Variants in NCOA3 observed in about 807,000 individuals in gnomAD.
NCOA3 encodes nuclear receptor coactivator 3, also known as CBP-interacting protein.
A neutral mutation model predicts 158.8 loss-of-function variants in NCOA3; 51 were observed. The observed-to-expected ratio is 0.32, with a 90% CI of 0.26 to 0.41. The LOEUF (loss-of-function observed/expected upper bound fraction) is 0.41. NCOA3 is among the 10% of genes least tolerant of loss of function. NCOA3 has a pLI of 1.00. For synonymous variants in NCOA3, 537 were observed against 592.4 expected (o/e 0.91, Z 1.36); for missense variants, 1,510 against 1,746.6 (o/e 0.86, Z 2.41).
Position 47,633,599 on chromosome 20 carries a change from T to A in NCOA3, c.927T>A (p.Asp309Glu). The change falls in exon 9 of 23, where the codon GAT (aspartate) becomes GAA (glutamate). Residue 309 changes from aspartate (D) to glutamate (E), a missense_variant. Asp to Glu is a conservative substitution (Grantham distance 45, BLOSUM62 2). Transcript: ENST00000371998. ...RCIQRFFSLN[D>E]GQSWSQKRHY... ...TTCAGAGATTTTTTAGTCTAAATGA[T>A]GGGCAGTCATGGTCCCAGAAACGTC... 1 of 1,614,086 alleles carries A rather than the reference T, an allele frequency of 6.2e-7. No individual in the cohort carries two copies. Among genetic ancestry groups the A allele is most frequent in the Non-Finnish European group, 8.5e-7 (1 of 1,179,990 alleles).
rs768509644 is a variant in NCOA3 at position 47,627,180 on chromosome 20, G to A, written c.532+4G>A. Reference sequence around the variant, plus strand: ...AAGAATTTACCAAAATCTACAGGTAGGCTTTTAATGTGTATTTTCTAAATA... The same window carrying A: ...AAGAATTTACCAAAATCTACAGGTAAGCTTTTAATGTGTATTTTCTAAATA... On this transcript the variant is annotated splice_donor_region_variant and intron_variant, in intron 6 of 22. Coordinates refer to ENST00000371998, the MANE Select transcript of NCOA3 (RefSeq NM_181659.3). The A allele has an allele frequency of 6.3e-7, 1 of 1,575,422 alleles. No homozygotes were observed.
At chr20:47,503,392 A>G (rs1029229635) in intron 1 of NCOA3, among the ~76,000 whole-genome samples, 1 of 152,228 alleles carries the variant, frequency 6.6e-6, no homozygotes, top group African/African-American at 2.4e-5. Flanking sequence ...GGTTCTACCG[A>G]ATGATATCCA....
rs548591754 is a variant in NCOA3, at chr20:47,556,092, G to A, written c.-98-27091G>A. 4.6e-5 allele frequency among the ~76,000 whole-genome samples: 7 copies of A among 151,970 alleles called. No homozygotes were observed. The South Asian group carries it at 1.5e-3, about 32-fold the overall frequency. ...TGGGACTACAGGCATGTGCCACCAT[G>A]CCTGGCTAATTTTCGTATTTTTATT... On this transcript the variant is annotated intron_variant, in intron 1 of 22. Transcript: ENST00000371998.
rs371752031 is a variant in NCOA3 at position 47,650,730 on chromosome 20, G to GT, written c.3652-251dup. Among the ~76,000 whole-genome samples, 408 of 152,068 alleles carry GT rather than the reference G, an allele frequency of 2.7e-3. 1 individual carries two copies. The highest frequency in any genetic ancestry group is 9.4e-3 in the African/African-American group (391 of 41,506). ...AATACAAAAATTAGCCAGAGTGGTGGTGCACGCCTGTAATCCCAGCTACTT... is the reference window on the plus strand; with the variant it reads ...AATACAAAAATTAGCCAGAGTGGTGGTTGCACGCCTGTAATCCCAGCTACTT... On this transcript the variant is annotated intron_variant, in intron 19 of 22. Transcript: ENST00000371998.
rs2076547 is a variant in NCOA3 at position 47,639,650 on chromosome 20, C to G, written c.2781C>G (p.Ala927=). The change falls in exon 15 of 23, where the codon GCC becomes GCG. Residue 927 remains alanine (A), a synonymous_variant. Transcript: ENST00000371998. ...ACTGGGGCTTACCAAACTCAAAGGC[C>G]GGCAGAATGGAACCTATGAATTCAA... is the stretch of plus-strand genomic sequence containing the variant. ...SGDWGLPNSK[A]GRMEPMNSNS... 1 of 1,613,694 alleles carries G rather than the reference C, an allele frequency of 6.2e-7. No homozygotes were observed. Among genetic ancestry groups the G allele is most frequent in the Non-Finnish European group, 8.5e-7 (1 of 1,179,874 alleles).
chr20:47,514,386 G>A (rs982061942), intron 1 of NCOA3, among the ~76,000 whole-genome samples: 2 of 151,828 alleles, frequency 1.3e-5, no homozygotes, highest in Non-Finnish European at 2.9e-5. Flanking sequence ...AAATAAACTT[G>A]TAACAAATCT....
Position 47,656,073 on chromosome 20 carries a change from A to T in NCOA3, c.*2656A>T, listed in dbSNP as rs1457963769. On this transcript the variant is annotated 3_prime_UTR_variant, in exon 23 of 23. Transcript: ENST00000371998. ...TCAAACCTTGGTATCTGTTGGGTGA[A>T]CAGTATAATCTTTTCATCTGCTTTT... The T allele has an allele frequency of 6.6e-6, 1 of 150,382 alleles. No individual in the cohort carries two copies. The highest frequency in any genetic ancestry group is 1.5e-5 in the Non-Finnish European group (1 of 67,754). 9.3% of individuals were successfully genotyped at this position (150,382 alleles called of 1,614,324 possible).
chr20:47,525,656 G>T (rs1359550091), intron 1 of NCOA3, among the ~76,000 whole-genome samples: 1 of 60,220 alleles, frequency 1.7e-5, no homozygotes, highest in Non-Finnish European at 3.4e-5. Flanking sequence ...CTGGCCGGAC[G>T]GGGGGGCTGA....
intron 8 of NCOA3, among the ~76,000 whole-genome samples, chr20:47,631,750 A>G (rs185999752): frequency 1.0e-3 from 157 of 152,330 alleles, no homozygotes; most frequent in Admixed American, 2.8e-3. Flanking sequence ...TCTTCGGACA[A>G]ACAACTTTCC....
chr20:47,588,875 A>C (rs191920471), intron 2 of NCOA3, among the ~76,000 whole-genome samples: 1 of 152,164 alleles, frequency 6.6e-6, no homozygotes, highest in African/African-American at 2.4e-5. Flanking sequence ...TAAAATTTAC[A>C]GAATATAAAA....
chr20:47,539,648 C>T (rs910202572), intron 1 of NCOA3, among the ~76,000 whole-genome samples: 2 of 152,138 alleles, frequency 1.3e-5, no homozygotes, highest in Non-Finnish European at 2.9e-5. Flanking sequence ...ATGAAGCCAG[C>T]GTTGTTGAGG....
chr20:47,555,366 C>G (rs6018542), intron 1 of NCOA3, among the ~76,000 whole-genome samples: 20,593 of 152,190 alleles, frequency 0.14, 2,004 homozygotes, highest in African/African-American at 0.26. Context: ...GGGCCCTGCA[C>G]TGATCTTCCA....
At chr20:47,564,030 T>C (rs2085152808) in intron 1 of NCOA3, among the ~76,000 whole-genome samples, 1 of 151,928 alleles carries the variant, frequency 6.6e-6, no homozygotes, top group African/African-American at 2.4e-5. Context: ...TGTGGTGGCA[T>C]GCGCATGTGG....
At chr20:47,532,110 T>TTGTGTGTGTGTGTGTGTG (rs11474538) in intron 1 of NCOA3, among the ~76,000 whole-genome samples, 3,060 of 147,462 alleles carry the variant, frequency 0.021, 58 homozygotes, top group African/African-American at 0.052. Flanking sequence ...AGGGGGGGAC[T>TTGTGTGTGTGTGTGTGTG]TGTGTGTGTG....
intron 1 of NCOA3, among the ~76,000 whole-genome samples, chr20:47,562,830 A>G (rs1284124224): frequency 1.3e-5 from 2 of 152,150 alleles, no homozygotes; most frequent in African/African-American, 2.4e-5. Context: ...TATATTCTCC[A>G]TATATCTCTG....
chr20:47,530,294 C>T (rs1328705135), intron 1 of NCOA3, among the ~76,000 whole-genome samples: 3 of 151,988 alleles, frequency 2.0e-5, no homozygotes, highest in African/African-American at 7.3e-5. Flanking sequence ...CTTTTAGTTA[C>T]AGTGCTGCAT....
intron 1 of NCOA3, among the ~76,000 whole-genome samples, chr20:47,516,484 C>T (rs1221417836): frequency 6.6e-6 from 1 of 152,086 alleles, no homozygotes; most frequent in African/African-American, 2.4e-5. Context: ...GACTATCAAG[C>T]AACTGACATA....
intron 2 of NCOA3, among the ~76,000 whole-genome samples, chr20:47,613,565 C>T (rs1320925480): frequency 6.7e-6 from 1 of 149,018 alleles, no homozygotes; most frequent in Non-Finnish European, 1.5e-5. Flanking sequence ...AGCCACAAAA[C>T]AAAAGGATAT....
At chr20:47,649,922 C>T (rs1012572950) in intron 19 of NCOA3, among the ~76,000 whole-genome samples, 1 of 149,944 alleles carries the variant, frequency 6.7e-6, no homozygotes, top group Non-Finnish European at 1.5e-5. Context: ...ATAGCTTCTG[C>T]TTGCCCCTTA....
Sources: allele counts gnomAD v4.1 joint callset (sites outside exome capture counted in the v4.1 genomes callset), GRCh38; gene constraint gnomAD v4.1.1; transcripts MANE v1.5; gene names NCBI Gene and HGNC (gene_info 2026-07-23, HGNC 2026-07-21).